Variants in CFAP299 observed in about 807,000 individuals in gnomAD.
CFAP299 encodes the protein cilia- and flagella-associated protein 299.
CFAP299 carries 21 observed loss-of-function variants against 27.0 expected under a neutral mutation model. That is an observed-to-expected ratio of 0.78 (90% CI 0.55 to 1.12). The LOEUF (loss-of-function observed/expected upper bound fraction) is 1.12, where lower values mean the gene tolerates loss of function less well. Among genes scored for constraint, CFAP299 ranks in the 50% most tolerant of loss-of-function variants. CFAP299 has a pLI of 0.00. For synonymous variants in CFAP299, 104 were observed against 98.1 expected (o/e 1.06, Z -0.36); for missense variants, 310 against 276.6 (o/e 1.12, Z -0.86).
chr4:80,532,426 C>G (rs945236249), intron 2 of CFAP299, among the ~76,000 whole-genome samples: 10 of 152,278 alleles, frequency 6.6e-5, no homozygotes, highest in Non-Finnish European at 7.4e-5. Context: ...TTGCACCATT[C>G]TAGCATGTAT....
chr4:80,957,894 G>A (rs1163214685), intron 5 of CFAP299, among the ~76,000 whole-genome samples: 1 of 152,048 alleles, frequency 6.6e-6, no homozygotes, highest in African/African-American at 2.4e-5. Context: ...TTGCCTTACT[G>A]TTTATATAGG....
intron 3 of CFAP299, among the ~76,000 whole-genome samples, chr4:80,763,218 C>T (rs772153560): frequency 2.6e-5 from 4 of 152,028 alleles, no homozygotes; most frequent in Non-Finnish European, 4.4e-5. Flanking sequence ...TTGTCTCAGC[C>T]CAAAATCTCC....
chr4:80,379,007 A>C (rs1247733534), intron 2 of CFAP299, among the ~76,000 whole-genome samples: 2 of 151,978 alleles, frequency 1.3e-5, no homozygotes, highest in Admixed American at 6.6e-5. Flanking sequence ...GGTAATTTGT[A>C]GAGTTGATGT....
intron 2 of CFAP299, among the ~76,000 whole-genome samples, chr4:80,480,785 T>G (rs1730525598): frequency 6.6e-6 from 1 of 152,030 alleles, no homozygotes; most frequent in Admixed American, 6.6e-5. Flanking sequence ...TTCTGGTACT[T>G]GATTTTTTCT....
chr4:80,677,182 T>C (rs1028643317), intron 3 of CFAP299, among the ~76,000 whole-genome samples: 23 of 152,216 alleles, frequency 1.5e-4, no homozygotes, highest in Middle Eastern at 3.4e-3. Context: ...TTTAAAATTT[T>C]CTTCTTTATT....
intron 2 of CFAP299, among the ~76,000 whole-genome samples, chr4:80,569,042 G>A (rs1724496771): frequency 6.6e-6 from 1 of 152,082 alleles, no homozygotes; most frequent in South Asian, 2.1e-4. Context: ...AGCCAGCTAA[G>A]GCTCTGTTAG....
At chr4:80,658,973 T>C (rs950427238) in intron 3 of CFAP299, among the ~76,000 whole-genome samples, 8 of 152,068 alleles carry the variant, frequency 5.3e-5, no homozygotes, top group African/African-American at 9.7e-5. Context: ...ACTCTAATCA[T>C]AGAAATAGTG....
chr4:80,675,650 G>T (rs1336127128), intron 3 of CFAP299, among the ~76,000 whole-genome samples: 1 of 152,200 alleles, frequency 6.6e-6, no homozygotes, highest in Non-Finnish European at 1.5e-5. Flanking sequence ...CAGAGGTGGG[G>T]TCTACAGAGG....
intron 3 of CFAP299, among the ~76,000 whole-genome samples, chr4:80,797,227 T>C (rs557106171): frequency 5.3e-4 from 80 of 152,246 alleles, no homozygotes; most frequent in African/African-American, 1.8e-3. Context: ...ACAGCATAAA[T>C]TGTTGCTAGT....
chr4:80,457,537 T>G (rs1487736625), intron 2 of CFAP299, among the ~76,000 whole-genome samples: 1 of 152,156 alleles, frequency 6.6e-6, no homozygotes. Context: ...GTGTAAAAGA[T>G]CTATTTGATA....
At chr4:80,370,864 A>G (rs1485100123) in intron 2 of CFAP299, among the ~76,000 whole-genome samples, 1 of 152,094 alleles carries the variant, frequency 6.6e-6, no homozygotes, top group Non-Finnish European at 1.5e-5. Context: ...GGTCTGGAGG[A>G]TGGTAGCCCT....
chr4:80,555,864 G>A (rs1286730249), intron 2 of CFAP299, among the ~76,000 whole-genome samples: 1 of 151,858 alleles, frequency 6.6e-6, no homozygotes, highest in Non-Finnish European at 1.5e-5. Flanking sequence ...TTCTAGTTGT[G>A]TTTATTTGGA....
At chr4:80,733,267 G>A (rs1425551406) in intron 3 of CFAP299, among the ~76,000 whole-genome samples, 3 of 151,932 alleles carry the variant, frequency 2.0e-5, no homozygotes, top group Non-Finnish European at 4.4e-5. Context: ...GCTTAATGTA[G>A]GACACTAAAC....
chr4:80,624,280 GATA>G (rs1321388352), intron 3 of CFAP299, among the ~76,000 whole-genome samples: 2 of 151,882 alleles, frequency 1.3e-5, no homozygotes, highest in Non-Finnish European at 2.9e-5. Context: ...TGACCAGAAT[GATA>G]ATAATAGAGA....
chr4:80,792,864 CTT>C (rs1253495552), intron 3 of CFAP299, among the ~76,000 whole-genome samples: 1 of 152,044 alleles, frequency 6.6e-6, no homozygotes, highest in East Asian at 1.9e-4. Flanking sequence ...CAAAGGAAGA[CTT>C]TTAGCTTGGT....
At chr4:80,446,191 C>G (rs937877780) in intron 2 of CFAP299, among the ~76,000 whole-genome samples, 1 of 152,160 alleles carries the variant, frequency 6.6e-6, no homozygotes, top group Non-Finnish European at 1.5e-5. Context: ...AAGGCCTCAG[C>G]CAACCACCTG....
intron 4 of CFAP299, chr4:80,871,234 C>T: frequency 1.0e-6 from 1 of 985,472 alleles, no homozygotes; most frequent in Non-Finnish European, 1.2e-6. Context: ...GGACTTAGCT[C>T]TTTCCTGTCC....
At chr4:80,779,923 G>C (rs564958120) in intron 3 of CFAP299, among the ~76,000 whole-genome samples, 1 of 152,142 alleles carries the variant, frequency 6.6e-6, no homozygotes, top group South Asian at 2.1e-4. Context: ...GAATCTCATT[G>C]ACTCAAAGCC....
chr4:80,733,578 C>A (rs1723668584), intron 3 of CFAP299, among the ~76,000 whole-genome samples: 1 of 151,856 alleles, frequency 6.6e-6, no homozygotes, highest in South Asian at 2.1e-4. Flanking sequence ...TTTTTTGTAT[C>A]CATTAAGCTT....
Sources: allele counts gnomAD v4.1 joint callset (sites outside exome capture counted in the v4.1 genomes callset), GRCh38; gene constraint gnomAD v4.1.1; transcripts MANE v1.5; gene names NCBI Gene and HGNC (gene_info 2026-07-23, HGNC 2026-07-21).